The following IMPG2 variants were observed in gnomAD, a reference collection of about 807,000 sequenced individuals.
IMPG2 encodes interphotoreceptor matrix proteoglycan 2, also known as IPM 200.
Under a neutral mutation model 129.2 loss-of-function variants are expected in IMPG2, and 91 were observed. The ratio of observed to expected loss-of-function variants is 0.70; its 90% confidence interval spans 0.59 to 0.84. The LOEUF (loss-of-function observed/expected upper bound fraction) is 0.84, where lower values mean the gene tolerates loss of function less well. Ranked by LOEUF, IMPG2 falls within the 40% of genes least tolerant of loss-of-function variation. The pLI is 0.00. For synonymous variants in IMPG2, 510 were observed against 517.7 expected (o/e 0.99, Z 0.20); for missense variants, 1,430 against 1,461.7 (o/e 0.98, Z 0.35).
At chr3:101,288,570 G>A (rs950264897) in intron 4 of IMPG2, among the ~76,000 whole-genome samples, 11 of 152,140 alleles carry the variant, frequency 7.2e-5, no homozygotes, top group African/African-American at 2.7e-4. Context: ...TGGAATTGGA[G>A]GCCATAATCC....
chr3:101,246,172 C>T, intron 11 of IMPG2, 67 bp from the exon 12 acceptor site: 4 of 1,466,206 alleles, frequency 2.7e-6, no homozygotes, highest in South Asian at 2.4e-5. Context: ...ATTTTAAATA[C>T]CACCTATCTG....
intron 2 of IMPG2, among the ~76,000 whole-genome samples, chr3:101,311,247 G>A (rs1303723642): frequency 1.3e-5 from 2 of 150,938 alleles, no homozygotes; most frequent in African/African-American, 4.9e-5. Flanking sequence ...GAAATAAAAG[G>A]CAGCCAAATT....
Position 101,319,773 on chromosome 3 carries a change from G to A in IMPG2, c.145C>T (p.Leu49=). The A allele has an allele frequency of 6.2e-7, 1 of 1,613,440 alleles. No individual in the cohort carries two copies. The highest frequency in any genetic ancestry group is 8.5e-7 in the Non-Finnish European group (1 of 1,179,716). The change falls in exon 2 of 19, where the codon CTG becomes TTG. Residue 49 remains leucine (L), a synonymous_variant. Coordinates refer to ENST00000193391, the MANE Select transcript of IMPG2 (RefSeq NM_016247.4). The stretch of plus-strand genomic sequence containing the variant: ...GAAAGGTCTGTTGATTCTTCAGGCA[G>A]GAGAAAAGAAACTGCACTCTTGGGT... The part of the protein sequence containing the change: ...QEPKSAVSFL[L]PEESTDLSLA...
intron 3 of IMPG2, among the ~76,000 whole-genome samples, chr3:101,299,399 A>T (rs1338098073): frequency 2.0e-5 from 3 of 152,146 alleles, no homozygotes; most frequent in Non-Finnish European, 4.4e-5. Context: ...CTGTCAATTC[A>T]TCCATCTTAT....
chr3:101,240,152 A>G (rs1053196597), intron 14 of IMPG2, among the ~76,000 whole-genome samples: 2 of 151,630 alleles, frequency 1.3e-5, no homozygotes, highest in African/African-American at 4.9e-5. Context: ...GGTTCTCACT[A>G]TGTTGCCCAG....
At chr3:101,266,326 G>T (rs1706720188) in intron 9 of IMPG2, among the ~76,000 whole-genome samples, 2 of 152,150 alleles carry the variant, frequency 1.3e-5, no homozygotes, top group Admixed American at 1.3e-4. Context: ...ACAGATGAAT[G>T]AATTAAGAAA....
intron 3 of IMPG2, among the ~76,000 whole-genome samples, chr3:101,298,584 G>A (rs1396554107): frequency 6.6e-6 from 1 of 152,186 alleles, no homozygotes; most frequent in African/African-American, 2.4e-5. Context: ...CTCTTGCAAG[G>A]CAGGCCTGAT....
At chr3:101,259,492 T>C (rs1387612355) in intron 9 of IMPG2, among the ~76,000 whole-genome samples, 3 of 151,490 alleles carry the variant, frequency 2.0e-5, no homozygotes, top group Non-Finnish European at 4.4e-5. Flanking sequence ...AGTGACGGTG[T>C]CTCAGTCTCT....
At chr3:101,256,693 T>C (rs1410872057) in intron 10 of IMPG2, among the ~76,000 whole-genome samples, 3 of 152,104 alleles carry the variant, frequency 2.0e-5, no homozygotes, top group Non-Finnish European at 4.4e-5. Flanking sequence ...AATGCATCAT[T>C]AGCATTGCCT....
At chr3:101,267,377 T>G (rs1049396637) in intron 9 of IMPG2, 134 bp downstream of exon 9, 13 of 796,864 alleles carry the variant, frequency 1.6e-5, no homozygotes, top group Non-Finnish European at 2.6e-5. Context: ...TGACAAACCC[T>G]GATCTGAAAA....
At chr3:101,258,167 C>T (rs1706632807) in intron 9 of IMPG2, among the ~76,000 whole-genome samples, 1 of 152,078 alleles carries the variant, frequency 6.6e-6, no homozygotes, top group African/African-American at 2.4e-5. Flanking sequence ...AATTCCTCCT[C>T]ACAATGCAAA....
intron 4 of IMPG2, among the ~76,000 whole-genome samples, chr3:101,286,764 G>A (rs1191845608): frequency 6.6e-6 from 1 of 152,160 alleles, no homozygotes; most frequent in Non-Finnish European, 1.5e-5. Context: ...TGGGAGTTGG[G>A]ATGGTGAAGG....
intron 3 of IMPG2, among the ~76,000 whole-genome samples, chr3:101,296,583 T>C (rs1450736269): frequency 6.6e-6 from 1 of 152,166 alleles, no homozygotes; most frequent in Admixed American, 6.5e-5. Context: ...CCTCATATAA[T>C]GGGTTAGGGA....
chr3:101,253,847 C>A, intron 10 of IMPG2, 66 bp from the exon 11 acceptor site: 1 of 1,087,200 alleles, frequency 9.2e-7, no homozygotes, highest in South Asian at 1.3e-5. Context: ...GGTGCAGGGA[C>A]AACTGAAAGT....
intron 4 of IMPG2, among the ~76,000 whole-genome samples, chr3:101,290,044 G>A (rs1706988501): frequency 6.6e-6 from 1 of 151,840 alleles, no homozygotes; most frequent in Admixed American, 6.6e-5. Flanking sequence ...GATGAACTTA[G>A]AGAGAGCTTA....
intron 18 of IMPG2, among the ~76,000 whole-genome samples, chr3:101,227,569 T>C (rs518813): frequency 0.8 from 121,903 of 152,186 alleles, 48,849 homozygotes; most frequent in Admixed American, 0.83. Flanking sequence ...TCTAAAGGGT[T>C]GAAACATTCC....
intron 4 of IMPG2, among the ~76,000 whole-genome samples, chr3:101,286,568 G>A (rs1019832327): frequency 6.6e-6 from 1 of 152,148 alleles, no homozygotes; most frequent in Non-Finnish European, 1.5e-5. Flanking sequence ...GTGCATATCA[G>A]TACTTTGAAT....
intron 16 of IMPG2, 141 bp from the exon 17 acceptor site, chr3:101,229,731 T>C (rs963604620): frequency 2.6e-6 from 2 of 755,226 alleles, no homozygotes; most frequent in African/African-American, 3.5e-5. Flanking sequence ...GAAAAACATC[T>C]AGATCAACCT....
intron 2 of IMPG2, among the ~76,000 whole-genome samples, chr3:101,304,741 G>A (rs985311380): frequency 2.0e-5 from 3 of 151,942 alleles, no homozygotes; most frequent in African/African-American, 7.3e-5. Context: ...TGCTTTTCAT[G>A]ATCACTGGGG....
Sources: allele counts gnomAD v4.1 joint callset (sites outside exome capture counted in the v4.1 genomes callset), GRCh38; gene constraint gnomAD v4.1.1; transcripts MANE v1.5; gene names NCBI Gene and HGNC (gene_info 2026-07-23, HGNC 2026-07-21).